Variants in ARHGEF33 observed in about 807,000 individuals in gnomAD.
ARHGEF33 encodes DH and coiled-coil domain-containing protein ENSP00000381780.
In ARHGEF33, 72 loss-of-function variants were observed where a neutral mutation model predicts 101.9. The observed-to-expected ratio is 0.71, with a 90% CI of 0.58 to 0.86. The LOEUF (loss-of-function observed/expected upper bound fraction) is 0.86. ARHGEF33 is among the 40% of genes least tolerant of loss of function. The pLI, the probability that ARHGEF33 is intolerant of heterozygous loss-of-function variation, is 0.00. For missense variants in ARHGEF33, 1,169 were observed against 1,111.3 expected, an observed-to-expected ratio of 1.05 and a Z score of -0.74; for synonymous variants, 499 against 442.5, an observed-to-expected ratio of 1.13 and a Z score of -1.60.
chr2:38,920,202 G>T (rs980518233), intron 3 of ARHGEF33, among the ~76,000 whole-genome samples: 6 of 151,964 alleles, frequency 3.9e-5, no homozygotes, highest in Non-Finnish European at 5.9e-5. Context: ...TGCAACCAGG[G>T]GCTTCCTCTA....
At chr2:38,933,971 C>A (rs1236291812) in intron 7 of ARHGEF33, among the ~76,000 whole-genome samples, 2 of 152,194 alleles carry the variant, frequency 1.3e-5, no homozygotes, top group Admixed American at 6.5e-5. Context: ...CCAAGTATAC[C>A]TTACCTTTAG....
rs200867946 is a variant in ARHGEF33 at position 38,919,163 on chromosome 2, ATT to A, written c.-85-198_-85-197del. On this transcript the variant is annotated intron_variant, in intron 2 of 17. Coordinates refer to ENST00000409978, the MANE Select transcript of ARHGEF33 (RefSeq NM_001145451.5). ...GTAGCATTTTGAAAAACTACCCTAA[ATT>A]TGAATAATGAATTTCATATGTATTC... Among the ~76,000 whole-genome samples the A allele has an allele frequency of 6.5e-3, 986 of 152,338 alleles. 10 individuals carry two copies. The highest frequency in any genetic ancestry group is 0.025 in the Admixed American group (377 of 15,306).
intron 10 of ARHGEF33, among the ~76,000 whole-genome samples, chr2:38,946,113 A>T (rs1667444186): frequency 6.6e-6 from 1 of 152,156 alleles, no homozygotes; most frequent in Admixed American, 6.5e-5. Context: ...ATCTCAGTTG[A>T]TTTGTTAAGT....
At chr2:38,934,472 T>C (rs1332782341) in intron 7 of ARHGEF33, among the ~76,000 whole-genome samples, 3 of 31,638 alleles carry the variant, frequency 9.5e-5, no homozygotes, top group Non-Finnish European at 1.1e-4. Flanking sequence ...TTTTCTCTCT[T>C]CCTCCCGCTT....
At chr2:38,912,428 A>G (rs1666529368) in intron 2 of ARHGEF33, among the ~76,000 whole-genome samples, 1 of 152,206 alleles carries the variant, frequency 6.6e-6, no homozygotes, top group African/African-American at 2.4e-5. Flanking sequence ...AATAAGTCAT[A>G]TTACCTTTCT....
intron 10 of ARHGEF33, among the ~76,000 whole-genome samples, chr2:38,945,785 T>A (rs1667434897): frequency 6.6e-6 from 1 of 152,230 alleles, no homozygotes; most frequent in Non-Finnish European, 1.5e-5. Context: ...AAGGGAGTAG[T>A]AAGCAGCTGC....
At chr2:38,919,955 G>C (rs1249311827) in intron 3 of ARHGEF33, among the ~76,000 whole-genome samples, 2 of 152,166 alleles carry the variant, frequency 1.3e-5, no homozygotes, top group Non-Finnish European at 2.9e-5. Flanking sequence ...CCTGATTCTT[G>C]TTATTATACC....
intron 2 of ARHGEF33, among the ~76,000 whole-genome samples, chr2:38,904,503 C>T (rs183158923): frequency 2.6e-5 from 4 of 152,054 alleles, no homozygotes; most frequent in Admixed American, 2.0e-4. Context: ...GTCAGGAGTT[C>T]GAGAACAGGC....
intron 15 of ARHGEF33, among the ~76,000 whole-genome samples, chr2:38,958,594 G>A (rs951505715): frequency 6.6e-6 from 1 of 152,192 alleles, no homozygotes; most frequent in African/African-American, 2.4e-5. Flanking sequence ...AGTTAAAAGA[G>A]AATTCAAATG....
chr2:38,963,495 G>C (rs1288760456), intron 16 of ARHGEF33, among the ~76,000 whole-genome samples: 1 of 152,174 alleles, frequency 6.6e-6, no homozygotes, highest in Non-Finnish European at 1.5e-5. Context: ...TGGCTTCTCT[G>C]TGCCTCCAGT....
rs906531031 is a variant in ARHGEF33, at chr2:38,935,894, A to G, written c.565+60A>G. On this transcript the variant is annotated intron_variant, in intron 8 of 17. Transcript: ENST00000409978. ...AGCAATTCCATTATTTTCCACTTCT[A>G]TCTTCCCTGCTTCCACTTCCTTAGT... The G allele has an allele frequency of 2.6e-5, 35 of 1,330,664 alleles. No individual in the cohort carries two copies. The East Asian group carries it at 2.8e-4, about 11-fold the overall frequency. The allele number at this position is 1,330,664 out of a possible 1,614,324, so 82.4% of individuals were successfully genotyped here.
intron 2 of ARHGEF33, among the ~76,000 whole-genome samples, chr2:38,919,057 A>C (rs1338455423): frequency 6.6e-6 from 1 of 152,124 alleles, no homozygotes; most frequent in Non-Finnish European, 1.5e-5. Context: ...AAAATAAATA[A>C]ATAAAATAAA....
At position 38,958,086 on chromosome 2, in the gene ARHGEF33, G is replaced by A; in HGVS notation, c.1423G>A (p.Gly475Arg). 1.3e-6 allele frequency: 2 copies of A among 1,552,184 alleles called. No individual in the cohort carries two copies. Among genetic ancestry groups the A allele is most frequent in the African/African-American group, 2.7e-5 (2 of 73,164 alleles). The change falls in exon 15 of 18, where the codon GGG (glycine) becomes AGG (arginine). Residue 475 changes from glycine (G) to arginine (R), a missense_variant. Coordinates refer to ENST00000409978, the MANE Select transcript of ARHGEF33 (RefSeq NM_001145451.5). ...GCTGGCTTCCCAGTGTGCCAATGCT[G>A]GGCAAGATGCTTCCCCCACTGCAGG... Reference protein sequence around the residue: ...KGLASQCANAGQDASPTAGPE... With the variant: ...KGLASQCANARQDASPTAGPE...
At chr2:38,893,714 T>C (rs1038175223) in intron 1 of ARHGEF33, among the ~76,000 whole-genome samples, 1 of 152,256 alleles carries the variant, frequency 6.6e-6, no homozygotes, top group African/African-American at 2.4e-5. Flanking sequence ...CCTGGTACAA[T>C]GCCTTTTATG....
chr2:38,890,059 C>T, intron 1 of ARHGEF33, 73 bp downstream of exon 1: 1 of 323,786 alleles, frequency 3.1e-6, no homozygotes, highest in Non-Finnish European at 6.5e-6. Context: ...GAAAACCCAT[C>T]AATCCTTACC....
At chr2:38,967,281 T>TG (rs1668069511) in intron 17 of ARHGEF33, among the ~76,000 whole-genome samples, 1 of 152,204 alleles carries the variant, frequency 6.6e-6, no homozygotes, top group Non-Finnish European at 1.5e-5. Flanking sequence ...CTCTGACTGT[T>TG]GGTCTCTCCC....
At chr2:38,953,943 C>A (rs551600362) in intron 12 of ARHGEF33, among the ~76,000 whole-genome samples, 1 of 152,312 alleles carries the variant, frequency 6.6e-6, no homozygotes, top group East Asian at 1.9e-4. Context: ...TGCGGCCAGG[C>A]CAGCTAACTA....
chr2:38,967,971 C>G (rs1668088584), intron 17 of ARHGEF33, among the ~76,000 whole-genome samples: 1 of 124,754 alleles, frequency 8.0e-6, no homozygotes, highest in African/African-American at 3.0e-5. Flanking sequence ...TTTTAAACCA[C>G]AGTATTCCCA....
In ARHGEF33 at chr2:38,950,980, T is replaced by C. The variant is rs749080563; in HGVS notation, c.921-9T>C. ...TGTTTGTGTGATTCCGTCTCTATTCTGTTTCAAGCCTCTTCCCTGGCTCTT... is the reference window on the plus strand; with the variant it reads ...TGTTTGTGTGATTCCGTCTCTATTCCGTTTCAAGCCTCTTCCCTGGCTCTT... On this transcript the variant is annotated splice_polypyrimidine_tract_variant and intron_variant, in intron 10 of 17. Transcript: ENST00000409978. The C allele has an allele frequency of 4.5e-6, 7 of 1,551,320 alleles. No homozygotes were observed. Among genetic ancestry groups the C allele is most frequent in the Non-Finnish European group, 6.1e-6 (7 of 1,146,814 alleles).
Sources: gnomAD v4.1 joint callset for allele counts (sites outside exome capture counted in the v4.1 genomes callset) on GRCh38, gnomAD v4.1.1 for gene constraint, MANE v1.5 for transcripts, NCBI Gene and HGNC (gene_info 2026-07-23, HGNC 2026-07-21) for gene names.